The following KRT6C variants were observed in gnomAD, a reference collection of about 807,000 sequenced individuals.
KRT6C encodes keratin 6C, also known as keratin, type II cytoskeletal 6C.
A neutral mutation model predicts 49.4 loss-of-function variants in KRT6C; 46 were observed. That is an observed-to-expected ratio of 0.93 (90% CI 0.74 to 1.19). The LOEUF is 1.19. Among genes scored for constraint, KRT6C ranks in the 50% most tolerant of loss-of-function variants. The pLI, the probability that KRT6C is intolerant of heterozygous loss-of-function variation, is 0.00. For missense variants in KRT6C, 552 were observed against 737.5 expected (o/e 0.75, Z 2.91); for synonymous variants, 236 against 297.1 (o/e 0.79, Z 2.12).
intron 7 of KRT6C, 62 bp downstream of exon 7, chr12:52,469,608 C>A (rs1490154752): frequency 8.7e-6 from 14 of 1,613,838 alleles, no homozygotes; most frequent in Non-Finnish European, 1.2e-5. Context: ...TAGAATTGTG[C>A]TCAGTGCCAG....
chr12:52,470,047 T>A, intron 6 of KRT6C, 157 bp from the exon 7 acceptor site: 1 of 906,238 alleles, frequency 1.1e-6, no homozygotes, highest in Non-Finnish European at 1.7e-6. Context: ...ATTTGTCTAG[T>A]CTGGGAGTCA....
chr12:52,469,976 C>A (rs1937845581), intron 6 of KRT6C, 86 bp from the exon 7 acceptor site: 2 of 1,453,022 alleles, frequency 1.4e-6, no homozygotes, highest in Non-Finnish European at 9.6e-7. Flanking sequence ...GGTCCTGTAA[C>A]CCAAAATTGA....
intron 1 of KRT6C, among the ~76,000 whole-genome samples, chr12:52,472,704 TATTC>T: frequency 7.3e-6 from 1 of 136,280 alleles, no homozygotes; most frequent in East Asian, 2.7e-4. Flanking sequence ...TCCTCTCAAA[TATTC>T]TGATGTTATG....
At position 52,469,892 on chromosome 12, in the gene KRT6C, T is replaced by G. The variant is rs1304302061; in HGVS notation, c.1204-2A>C. 2 of 1,613,858 alleles carry G rather than the reference T, an allele frequency of 1.2e-6. No individual in the cohort carries two copies. Among genetic ancestry groups the G allele is most frequent in the Admixed American group, 3.3e-5 (2 of 60,006 alleles). On this transcript the variant is annotated splice_acceptor_variant, in intron 6 of 8. Transcript: ENST00000252250. LOFTEE classifies it high-confidence loss of function. ...AATGGCAGCCTGCAGGCTGGCACAC[T>G]AGGAGGGGAAAGGAAGAGAAGGAAC...
Position 52,473,673 on chromosome 12 carries a change from G to A in KRT6C, c.65C>T (p.Ser22Leu). 6.2e-7 allele frequency: 1 copy of A among 1,613,254 alleles called. No individual in the cohort carries two copies. The highest frequency in any genetic ancestry group is 1.7e-4 in the Middle Eastern group (1 of 5,752). Residue 22 changes from serine (S) to leucine (L), a missense_variant, in exon 1 of 9, where the codon TCA becomes TTA. Coordinates refer to ENST00000252250, the MANE Select transcript of KRT6C (RefSeq NM_173086.5). Reference protein sequence around the residue: ...SSSRRGFSANSARLPGVSRSG... With the variant: ...SSSRRGFSANLARLPGVSRSG... Reference sequence around the variant, plus strand: ...GCGGCTGACCCCAGGGAGCCTGGCTGAGTTGGCACTGAAACCCCGGCGGCT... The same window carrying A: ...GCGGCTGACCCCAGGGAGCCTGGCTAAGTTGGCACTGAAACCCCGGCGGCT...
In KRT6C at chr12:52,469,308, G is replaced by T. The variant is rs1487659099; in HGVS notation, c.1460-11C>A. 3.1e-6 allele frequency: 5 copies of T among 1,613,858 alleles called. No individual in the cohort carries two copies. The highest frequency in any genetic ancestry group is 1.3e-5 in the African/African-American group (1 of 74,928). ...TGGACTGTACTACAGCTGTGGTGGG[G>T]AGGGGACAAGGACACAAGAAGCCAC... On this transcript the variant is annotated splice_polypyrimidine_tract_variant and intron_variant, in intron 8 of 8. Transcript: ENST00000252250.
rs879239943 is a variant in KRT6C, at chr12:52,472,104, C to T, written c.717G>A (p.Leu239=). The change falls in exon 2 of 9, where the codon CTG becomes CTA. Residue 239 remains leucine, a synonymous_variant. Transcript: ENST00000252250. The stretch of plus-strand genomic sequence containing the variant: ...CCTCCACCAGGTCCTGCATGTTTCT[C>T]AGCTCCGAGTCCAGGCGGCCCCGTT... ...VGERGRLDSE[L]RNMQDLVEDL... The T allele has an allele frequency of 1.3e-6, 2 of 1,599,610 alleles. No homozygotes were observed. Among genetic ancestry groups the T allele is most frequent in the Non-Finnish European group, 8.5e-7 (1 of 1,174,532 alleles).
At position 52,469,684 on chromosome 12, in the gene KRT6C, C is replaced by T. The variant is rs1565807729; in HGVS notation, c.1410G>A (p.Glu470=). The change falls in exon 7 of 9, where the codon GAG becomes GAA. Residue 470 remains glutamate, a synonymous_variant. Transcript: ENST00000252250. ...CAGTTACCTACCTGCACTCCTCGCC[C>T]TCCAGCAGCTTGCGGTAGGTGGCGA... The part of the protein sequence containing the change: ...VEIATYRKLL[E]GEECRLNGEG... The T allele has an allele frequency of 6.2e-7, 1 of 1,614,158 alleles. No individual in the cohort carries two copies. The highest frequency in any genetic ancestry group is 1.1e-5 in the South Asian group (1 of 91,082).
At chr12:52,469,634 A>T (rs1465258607) in intron 7 of KRT6C, 36 bp downstream of exon 7, 1 of 1,613,978 alleles carries the variant, frequency 6.2e-7, no homozygotes, top group Admixed American at 1.7e-5. Flanking sequence ...TTGAAGATGG[A>T]CTCAGCTGTT....
chr12:52,469,268 A>T lies in KRT6C; in HGVS notation c.1489T>A (p.Tyr497Asn). Residue 497 changes from tyrosine (Y) to asparagine (N), a missense_variant, in exon 9 of 9, where the codon TAT (tyrosine) becomes AAT (asparagine). Physicochemically the swap from Tyr to Asn is moderately radical, Grantham distance 143 (BLOSUM62 -2). Transcript: ENST00000252250. Reference sequence around the variant, plus strand: ...CTGCCGACACCGCTGGCACCGCCATAGCCACTGGAGATGGTGGACTGTACT... The same window carrying T: ...CTGCCGACACCGCTGGCACCGCCATTGCCACTGGAGATGGTGGACTGTACT... ...SVVQSTISSG[Y>N]GGASGVGSGL... is the part of the protein sequence containing the mutation. 1 of 1,613,984 alleles carries T rather than the reference A, an allele frequency of 6.2e-7. No individual in the cohort carries two copies. The highest frequency in any genetic ancestry group is 8.5e-7 in the Non-Finnish European group (1 of 1,179,890).
At position 52,469,223 on chromosome 12, in the gene KRT6C, C is replaced by T. The variant is rs1455785042; in HGVS notation, c.1534G>A (p.Gly512Arg). The change falls in exon 9 of 9, where the codon GGA becomes AGA. Residue 512 changes from glycine (G) to arginine (R), a missense_variant. This residue lies in a region of KRT6C where 425 missense variants were observed against 439.4 expected (regional missense o/e 0.97). Transcript: ENST00000252250. ...GVGSGLGLGG[G>R]SSYSYGSGLG... ...CCACTGCCATAGGAGTAGCTGCTTC[C>T]TCCACCCAGGCCTAAGCCACTGCCG... The T allele has an allele frequency of 1.9e-6, 3 of 1,613,884 alleles. No homozygotes were observed. Among genetic ancestry groups the T allele is most frequent in the African/African-American group, 1.3e-5 (1 of 74,930 alleles).
Position 52,471,313 on chromosome 12 carries a change from C to G in KRT6C, c.913-17G>C. Reference sequence around the variant, plus strand: ...GGACAGCTCCTGCAGAACAGAAGGTCATAAGATCAACTTCACATCTGACAT... The same window carrying G: ...GGACAGCTCCTGCAGAACAGAAGGTGATAAGATCAACTTCACATCTGACAT... On this transcript the variant is annotated splice_polypyrimidine_tract_variant and intron_variant, in intron 4 of 8. Transcript: ENST00000252250. The G allele has an allele frequency of 6.2e-7, 1 of 1,614,182 alleles. No individual in the cohort carries two copies. The highest frequency in any genetic ancestry group is 1.3e-5 in the African/African-American group (1 of 75,036).
At position 52,468,672 on chromosome 12, in the gene KRT6C, G is replaced by C; in HGVS notation, c.*390C>G. On this transcript the variant is annotated 3_prime_UTR_variant, in exon 9 of 9. Transcript: ENST00000252250. ...CAATACTTTTAACTTAGGGAGTTTG[G>C]GGGCCAATGGAAAATAAGTGGAAGT... 1 of 270,726 alleles carries C rather than the reference G, an allele frequency of 3.7e-6. No individual in the cohort carries two copies. The allele number at this position is 270,726 out of a possible 1,614,324, so 16.8% of individuals were successfully genotyped here.
chr12:52,473,588 T>G lies in KRT6C; in HGVS notation c.150A>C (p.Ala50=). 1 of 1,604,452 alleles carries G rather than the reference T, an allele frequency of 6.2e-7. No individual in the cohort carries two copies. Residue 50 remains alanine, a synonymous_variant, in exon 1 of 9, where the codon GCA becomes GCC. Coordinates refer to ENST00000252250, the MANE Select transcript of KRT6C (RefSeq NM_173086.5). ...GGCTGCCAAAGCCAGCTCCTCCACA[T>G]GCACCACCCAGGCCACCACTGCCCC... ...RSRGSGGLGG[A]CGGAGFGSRS... is the part of the protein sequence containing the mutation.
At chr12:52,470,415 T>C in intron 6 of KRT6C, 90 bp downstream of exon 6, 1 of 1,609,774 alleles carries the variant, frequency 6.2e-7, no homozygotes, top group Non-Finnish European at 8.5e-7. Context: ...TTGGTTTACG[T>C]TTCAGGAATT....
At chr12:52,470,014 C>G in intron 6 of KRT6C, 124 bp from the exon 7 acceptor site, 2 of 1,114,994 alleles carry the variant, frequency 1.8e-6, no homozygotes, top group South Asian at 2.7e-5. Flanking sequence ...CTCTTCCTGT[C>G]CAGTATTTCT....
chr12:52,471,364 TC>T, intron 4 of KRT6C, 56 bp downstream of exon 4: 2 of 1,614,130 alleles, frequency 1.2e-6, no homozygotes, highest in Non-Finnish European at 1.7e-6. Flanking sequence ...ACCCTATACA[TC>T]TTCTCCCCTT....
chr12:52,470,070 C>T (rs1937847386), intron 6 of KRT6C, 180 bp from the exon 7 acceptor site: 1 of 769,622 alleles, frequency 1.3e-6, no homozygotes. Context: ...TGACAAAGTC[C>T]TATGCCCCTT....
intron 6 of KRT6C, chr12:52,470,249 A>C: frequency 1.6e-6 from 1 of 620,276 alleles, no homozygotes; most frequent in Non-Finnish European, 2.8e-6. Flanking sequence ...AAAATATACA[A>C]AATTATGACC....
Sources: allele counts gnomAD v4.1 joint callset (sites outside exome capture counted in the v4.1 genomes callset), GRCh38; gene constraint gnomAD v4.1.1; regional missense constraint gnomAD v4.1.1; transcripts MANE v1.5; gene names NCBI Gene and HGNC (gene_info 2026-07-23, HGNC 2026-07-21).